GALNT13: variants seen among roughly 807,000 people sequenced by gnomAD.
GALNT13 encodes polypeptide N-acetylgalactosaminyltransferase 13.
GALNT13 carries 28 observed loss-of-function variants against 64.2 expected under a neutral mutation model. That is an observed-to-expected ratio of 0.44 (90% CI 0.32 to 0.60). The LOEUF is 0.60. Among genes scored for constraint, GALNT13 ranks in the 20% least tolerant of loss-of-function variants. GALNT13 has a pLI of 0.05. For synonymous variants in GALNT13, 214 were observed against 224.6 expected, an observed-to-expected ratio of 0.95 and a Z score of 0.42; for missense variants, 577 against 669.8, an observed-to-expected ratio of 0.86 and a Z score of 1.53.
At chr2:154,193,763 C>T (rs989773406) in intron 4 of GALNT13, among the ~76,000 whole-genome samples, 1 of 152,168 alleles carries the variant, frequency 6.6e-6, no homozygotes, top group Admixed American at 6.5e-5. Context: ...GAGCAAGCTT[C>T]TTGGGTTTTA....
At chr2:153,075,604 G>T in the GALNT13 span, among the ~76,000 whole-genome samples, 1 of 151,874 alleles carries the variant, frequency 6.6e-6, no homozygotes, top group Non-Finnish European at 1.5e-5. Context: ...CAAGAGTTAG[G>T]TTCATTTATT....
At chr2:153,176,140 C>T in the GALNT13 span, among the ~76,000 whole-genome samples, 1 of 152,126 alleles carries the variant, frequency 6.6e-6, no homozygotes. Context: ...ATCTGATAAA[C>T]TCTGAATCAG....
At chr2:153,317,378 A>T in the GALNT13 span, among the ~76,000 whole-genome samples, 1 of 152,144 alleles carries the variant, frequency 6.6e-6, no homozygotes, top group Non-Finnish European at 1.5e-5. Flanking sequence ...GGAATATTTA[A>T]AAGTTCTTTG....
the GALNT13 span, chr2:153,187,561 A>G: frequency 1.3e-5 from 2 of 152,070 alleles, no homozygotes; most frequent in African/African-American, 4.8e-5. Flanking sequence ...TAGCTGCTAC[A>G]TTTTCTCTCT....
At chr2:153,656,339 T>TGTGTGTGTGTGTGTGTGC in the GALNT13 span, among the ~76,000 whole-genome samples, 4 of 141,474 alleles carry the variant, frequency 2.8e-5, no homozygotes, top group East Asian at 2.0e-4. Context: ...TGTGTGTGTG[T>TGTGTGTGTGTGTGTGTGC]GCGCGCGCAC....
the GALNT13 span, among the ~76,000 whole-genome samples, chr2:153,447,526 C>T: frequency 6.6e-6 from 1 of 152,172 alleles, no homozygotes; most frequent in Non-Finnish European, 1.5e-5. Context: ...CATTTACAGC[C>T]TATTAACATT....
chr2:153,954,476 C>A (rs1692428335), intron 3 of GALNT13, among the ~76,000 whole-genome samples: 1 of 151,934 alleles, frequency 6.6e-6, no homozygotes, highest in Admixed American at 6.6e-5. Context: ...TTGCTTTGCT[C>A]TTTCATACTC....
chr2:154,139,555 G>A (rs568464328), intron 3 of GALNT13, among the ~76,000 whole-genome samples: 2 of 151,552 alleles, frequency 1.3e-5, no homozygotes, highest in East Asian at 3.9e-4. Flanking sequence ...ACTTCAGGAT[G>A]CATTTGGGCC....
chr2:153,775,574 AT>A, the GALNT13 span, among the ~76,000 whole-genome samples: 11 of 151,932 alleles, frequency 7.2e-5, no homozygotes, highest in Non-Finnish European at 1.3e-4. Context: ...AACTTTCTTA[AT>A]TTTTTTTCAT....
At chr2:154,002,117 A>T (rs1406568615) in intron 3 of GALNT13, among the ~76,000 whole-genome samples, 1 of 151,998 alleles carries the variant, frequency 6.6e-6, no homozygotes, top group African/African-American at 2.4e-5. Context: ...TCAATTTTTA[A>T]TAATTTAATT....
At chr2:153,747,634 G>C in the GALNT13 span, among the ~76,000 whole-genome samples, 12 of 151,796 alleles carry the variant, frequency 7.9e-5, no homozygotes, top group South Asian at 6.2e-4. Flanking sequence ...CAGTATGTTG[G>C]CCAGGCTGAT....
intron 9 of GALNT13, among the ~76,000 whole-genome samples, chr2:154,307,537 G>A (rs752865405): frequency 6.6e-5 from 10 of 152,088 alleles, no homozygotes; most frequent in Non-Finnish European, 1.3e-4. Context: ...AGTTGGTAGA[G>A]TCTATTTATG....
the GALNT13 span, among the ~76,000 whole-genome samples, chr2:153,387,599 G>A: frequency 1.3e-5 from 2 of 152,156 alleles, no homozygotes; most frequent in African/African-American, 4.8e-5. Flanking sequence ...AGCAACCACT[G>A]AATTTGCTGC....
chr2:153,643,741 T>C, the GALNT13 span, among the ~76,000 whole-genome samples: 1 of 151,926 alleles, frequency 6.6e-6, no homozygotes. Flanking sequence ...TATCAGAAAA[T>C]AGATATATCA....
the GALNT13 span, among the ~76,000 whole-genome samples, chr2:153,129,724 C>A: frequency 6.6e-6 from 1 of 151,634 alleles, no homozygotes; most frequent in Non-Finnish European, 1.5e-5. Flanking sequence ...GAGCCAAGAT[C>A]GTGCCACTGC....
intron 3 of GALNT13, among the ~76,000 whole-genome samples, chr2:154,130,399 C>T (rs550005890): frequency 6.6e-6 from 1 of 152,130 alleles, no homozygotes; most frequent in Non-Finnish European, 1.5e-5. Context: ...TTCAGCACAA[C>T]CGCCCTCAAC....
chr2:154,061,595 C>T (rs1179071415), intron 3 of GALNT13, among the ~76,000 whole-genome samples: 1 of 152,194 alleles, frequency 6.6e-6, no homozygotes, highest in Non-Finnish European at 1.5e-5. Flanking sequence ...CCCACCAGGT[C>T]TGTCCCCCAA....
intron 11 of GALNT13, among the ~76,000 whole-genome samples, chr2:154,426,124 C>A (rs1360548778): frequency 2.6e-5 from 4 of 152,152 alleles, no homozygotes; most frequent in Non-Finnish European, 4.4e-5. Context: ...CTCAACTCAG[C>A]CTCAGGGGAT....
chr2:153,336,339 C>T, the GALNT13 span, among the ~76,000 whole-genome samples: 10 of 152,104 alleles, frequency 6.6e-5, no homozygotes, highest in African/African-American at 2.2e-4. Context: ...AATGTTAGCC[C>T]ATGAAAGCAG....
Sources: gnomAD v4.1 joint callset for allele counts (sites outside exome capture counted in the v4.1 genomes callset) on GRCh38, gnomAD v4.1.1 for gene constraint, MANE v1.5 for transcripts, NCBI Gene and HGNC (gene_info 2026-07-23, HGNC 2026-07-21) for gene names.